The following EFCAB5 variants were observed in gnomAD, a reference collection of about 807,000 sequenced individuals.
EFCAB5 encodes EF-hand calcium binding domain 5, also known as EF-hand calcium-binding domain-containing protein 5.
Under a neutral mutation model 167.9 loss-of-function variants are expected in EFCAB5, and 131 were observed. The ratio of observed to expected loss-of-function variants is 0.78; its 90% CI spans 0.68 to 0.90. EFCAB5 has a LOEUF of 0.90. Ranked by LOEUF, EFCAB5 falls within the 40% of genes least tolerant of loss-of-function variation. The probability of loss-of-function intolerance (pLI) is 0.00; values close to 1 mark genes in which losing one functional copy is unlikely to be tolerated. For missense variants in EFCAB5, 1,663 were observed against 1,745.2 expected (o/e 0.95, Z 0.84); for synonymous variants, 574 against 602.8 (o/e 0.95, Z 0.70).
chr17:29,993,960 A>G lies in EFCAB5; in HGVS notation c.924+639A>G, dbSNP rs138945724. Among the ~76,000 whole-genome samples, 685 of 150,612 alleles carry G rather than the reference A, an allele frequency of 4.5e-3. 3 individuals are homozygous for G. The highest frequency in any genetic ancestry group is 0.016 in the African/African-American group (661 of 40,984). ...ATAGGGAGACCCTACTTTTATGAAG[A>G]ATTTAGAAATTATCCAGGCTGTGGT... On this transcript the variant is annotated intron_variant, in intron 5 of 22. Coordinates refer to ENST00000394835, the MANE Select transcript of EFCAB5 (RefSeq NM_198529.4).
At chr17:29,996,463 A>T in intron 6 of EFCAB5, 103 bp downstream of exon 6, 1 of 1,025,712 alleles carries the variant, frequency 9.7e-7, no homozygotes, top group Non-Finnish European at 1.4e-6. Flanking sequence ...GTTATTCAAA[A>T]CTCTTGCAGG....
chr17:30,072,884 T>C (rs1266689666), intron 14 of EFCAB5, among the ~76,000 whole-genome samples: 4 of 152,116 alleles, frequency 2.6e-5, no homozygotes, highest in Non-Finnish European at 4.4e-5. Context: ...TTTGTCAACT[T>C]TTCATTTATT....
intron 7 of EFCAB5, among the ~76,000 whole-genome samples, chr17:30,000,545 T>A (rs2068640100): frequency 2.0e-5 from 3 of 152,194 alleles, no homozygotes; most frequent in African/African-American, 7.2e-5. Context: ...GAGTCCTAAG[T>A]CTTCCACAGC....
intron 5 of EFCAB5, among the ~76,000 whole-genome samples, chr17:29,994,235 G>T (rs903350970): frequency 7.1e-6 from 1 of 141,666 alleles, no homozygotes; most frequent in Non-Finnish European, 1.5e-5. Context: ...TGTACTTTCC[G>T]CTCAATTTTC....
chr17:29,966,653 G>C (rs1206198243), intron 3 of EFCAB5, among the ~76,000 whole-genome samples: 1 of 152,000 alleles, frequency 6.6e-6, no homozygotes. Context: ...TATTTGTCAG[G>C]TTTCTCTACT....
At chr17:30,093,469 G>A (rs1026091014) in intron 22 of EFCAB5, among the ~76,000 whole-genome samples, 1 of 152,084 alleles carries the variant, frequency 6.6e-6, no homozygotes, top group African/African-American at 2.4e-5. Context: ...TTTATAGTTT[G>A]TTTTTTTCTT....
Position 30,080,218 on chromosome 17 carries a change from C to CT in EFCAB5, c.3175dup (p.Tyr1059LeufsTer14). ...CTCAATTTGTACTGAACAGAGTGCT[C>CT]TACAGGGACATGAAAGGAATCAGGT... On this transcript the variant is annotated frameshift_variant, in exon 16 of 23. Coordinates refer to ENST00000394835, the MANE Select transcript of EFCAB5 (RefSeq NM_198529.4). LOFTEE classifies it high-confidence loss of function. 6.3e-7 allele frequency: 1 copy of CT among 1,592,786 alleles called. No individual in the cohort carries two copies. Among genetic ancestry groups the CT allele is most frequent in the South Asian group, 1.2e-5 (1 of 86,862 alleles).
chr17:29,977,814 G>A (rs1227451303), intron 4 of EFCAB5, among the ~76,000 whole-genome samples: 1 of 152,120 alleles, frequency 6.6e-6, no homozygotes, highest in Non-Finnish European at 1.5e-5. Flanking sequence ...ATTTCAAGAA[G>A]CGAGGGACAC....
intron 22 of EFCAB5, among the ~76,000 whole-genome samples, chr17:30,098,630 T>C (rs1229130416): frequency 6.6e-6 from 1 of 152,132 alleles, no homozygotes; most frequent in Non-Finnish European, 1.5e-5. Flanking sequence ...GGCTTTCCAT[T>C]GTCTTTTTTA....
In EFCAB5 at chr17:30,108,008, G is replaced by C; in HGVS notation, c.4496G>C (p.Gly1499Ala). 1 of 1,606,924 alleles carries C rather than the reference G, an allele frequency of 6.2e-7. No individual in the cohort carries two copies. The highest frequency in any genetic ancestry group is 8.5e-7 in the Non-Finnish European group (1 of 1,178,064). Residue 1499 changes from glycine (G) to alanine (A), a missense_variant, in exon 23 of 23, where the codon GGT (glycine) becomes GCT (alanine). Physicochemically the swap from Gly to Ala is moderately conservative, Grantham distance 60. Coordinates refer to ENST00000394835, the MANE Select transcript of EFCAB5 (RefSeq NM_198529.4). ...NYMYAKMPGE[G>A]LQEK ...ATGTATGCAAAAATGCCAGGGGAAG[G>C]TTTGCAAGAGAAGTGATAATGGATG...
intron 4 of EFCAB5, chr17:29,972,498 G>C (rs1378775250): frequency 6.6e-6 from 1 of 152,318 alleles, no homozygotes; most frequent in Non-Finnish European, 1.5e-5. Context: ...CCCGTGACCA[G>C]ACATCACCTG....
intron 4 of EFCAB5, among the ~76,000 whole-genome samples, chr17:29,970,669 TAC>T (rs1220247152): frequency 1.9e-4 from 11 of 58,668 alleles, no homozygotes; most frequent in Admixed American, 8.3e-4. Flanking sequence ...CACACACACA[TAC>T]ACACACACAC....
At chr17:29,988,850 C>G (rs1231108035) in intron 4 of EFCAB5, among the ~76,000 whole-genome samples, 2 of 152,136 alleles carry the variant, frequency 1.3e-5, no homozygotes, top group Non-Finnish European at 2.9e-5. Flanking sequence ...CAAGATCTTG[C>G]TCTTGAACAA....
intron 22 of EFCAB5, among the ~76,000 whole-genome samples, chr17:30,094,534 A>AC (rs2071260421): frequency 7.0e-6 from 1 of 142,512 alleles, no homozygotes; most frequent in African/African-American, 2.9e-5. Flanking sequence ...AAAAAAAAAA[A>AC]TAACTGGGTG....
At chr17:30,008,931 T>A (rs7212497) in intron 7 of EFCAB5, among the ~76,000 whole-genome samples, 1 of 151,942 alleles carries the variant, frequency 6.6e-6, no homozygotes, top group African/African-American at 2.4e-5. Flanking sequence ...GGGCTGCACT[T>A]CTCTCAGGAG....
intron 3 of EFCAB5, among the ~76,000 whole-genome samples, chr17:29,944,292 GCTGGTCTCGATCTCCTGGA>G (rs1265257249): frequency 3.3e-5 from 5 of 152,040 alleles, no homozygotes; most frequent in Non-Finnish European, 7.4e-5. Flanking sequence ...TGTTTCCTGG[GCTGGTCTCGATCTCCTGGA>G]CTCAGGCGAT....
At position 30,034,339 on chromosome 17, in the gene EFCAB5, G is replaced by A. The variant is rs377155187; in HGVS notation, c.1154G>A (p.Arg385Gln). ...CGGGAGGTCATAAAAGCTGACATGCGGAGGCAGATGTTCGCTGAACTCTTC... is the reference window on the plus strand; with the variant it reads ...CGGGAGGTCATAAAAGCTGACATGCAGAGGCAGATGTTCGCTGAACTCTTC... ...EFREVIKADM[R>Q]RQMFAELFLH... Residue 385 changes from arginine to glutamine, a missense_variant, in exon 8 of 23, where the codon CGG (arginine) becomes CAG (glutamine). By Grantham distance (43) the Arg-to-Gln change is conservative. Coordinates refer to ENST00000394835, the MANE Select transcript of EFCAB5 (RefSeq NM_198529.4). The A allele has an allele frequency of 3.6e-5, 58 of 1,611,900 alleles. No homozygotes were observed. Among genetic ancestry groups the A allele is most frequent in the Middle Eastern group, 3.3e-4 (2 of 6,080 alleles).
chr17:29,944,607 G>C (rs535687716), intron 3 of EFCAB5, among the ~76,000 whole-genome samples: 137 of 145,644 alleles, frequency 9.4e-4, no homozygotes, highest in Non-Finnish European at 1.7e-3. Flanking sequence ...TTGTTTTTTT[G>C]TTGTTTTCTG....
intron 22 of EFCAB5, among the ~76,000 whole-genome samples, chr17:30,097,810 C>T (rs2071325286): frequency 6.6e-6 from 1 of 152,098 alleles, no homozygotes; most frequent in African/African-American, 2.4e-5. Context: ...ATTTGTACTT[C>T]TTGATAATTC....
Sources: gnomAD v4.1 joint callset for allele counts (sites outside exome capture counted in the v4.1 genomes callset) on GRCh38, gnomAD v4.1.1 for gene constraint, MANE v1.5 for transcripts, NCBI Gene and HGNC (gene_info 2026-07-23, HGNC 2026-07-21) for gene names.